RSF1: variants seen among roughly 807,000 people sequenced by gnomAD.
RSF1 encodes the protein remodeling and spacing factor 1, also known as HBV pX-associated protein 8.
RSF1 carries 13 observed loss-of-function variants against 145.2 expected under a neutral mutation model. That is an observed-to-expected ratio of 0.09 (90% confidence interval 0.06 to 0.14). RSF1 has a LOEUF of 0.14. RSF1 is among the 10% of genes least tolerant of loss of function. The probability of loss-of-function intolerance (pLI) is 1.00; values close to 1 mark genes in which losing one functional copy is unlikely to be tolerated. For missense variants in RSF1, 1,517 were observed against 1,718.2 expected, an observed-to-expected ratio of 0.88 and a Z score of 2.07; for synonymous variants, 577 against 592.6, an observed-to-expected ratio of 0.97 and a Z score of 0.38.
chr11:77,861,465 G>C, the RSF1 span, among the ~76,000 whole-genome samples: 14 of 152,264 alleles, frequency 9.2e-5, no homozygotes, highest in South Asian at 2.7e-3. Context: ...GCCCTCAATG[G>C]TCAAGTATAC....
At chr11:77,833,097 A>G in the RSF1 span, among the ~76,000 whole-genome samples, 12 of 147,368 alleles carry the variant, frequency 8.1e-5, no homozygotes, top group East Asian at 4.0e-4. Context: ...TGCAACCTCA[A>G]TCTCCGAGGT....
rs575908054 is a variant in RSF1 at position 77,662,302 on chromosome 11, A to C, written c.*4615T>G. ...AATTTTCCAAAGTGGTATAAATATG[A>C]AAGGAAAAAAAAAATTGTGCTCAGG... On this transcript the variant is annotated 3_prime_UTR_variant, in exon 16 of 16. Transcript: ENST00000308488. 19 of 151,982 alleles carry C rather than the reference A, an allele frequency of 1.3e-4. No individual in the cohort carries two copies. The highest frequency in any genetic ancestry group is 1.2e-3 in the Admixed American group (19 of 15,258). The allele number at this position is 151,982 out of a possible 1,614,324, so 9.4% of individuals were successfully genotyped here.
At chr11:77,761,893 C>T (rs1020776612) in intron 2 of RSF1, among the ~76,000 whole-genome samples, 6 of 144,654 alleles carry the variant, frequency 4.1e-5, no homozygotes, top group South Asian at 2.2e-4. Flanking sequence ...TGCAGTGGCA[C>T]GATCTTGGCT....
intron 4 of RSF1, among the ~76,000 whole-genome samples, chr11:77,726,305 A>C (rs1292808788): frequency 2.6e-5 from 4 of 152,152 alleles, no homozygotes; most frequent in Non-Finnish European, 5.9e-5. Flanking sequence ...CTAACCTATA[A>C]ATTCTACTTA....
rs541225959 is a variant in RSF1 at position 77,667,031 on chromosome 11, T to A, written c.4212A>T (p.Leu1404=). The A allele has an allele frequency of 9.3e-6, 15 of 1,613,756 alleles. No individual in the cohort carries two copies. Among genetic ancestry groups the A allele is most frequent in the East Asian group, 6.7e-5 (3 of 44,858 alleles). Residue 1404 remains leucine (L), a synonymous_variant, in exon 16 of 16, where the codon CTA becomes CTT. Coordinates refer to ENST00000308488, the MANE Select transcript of RSF1 (RefSeq NM_016578.4). Reference sequence around the variant, plus strand: ...GCCCACCACTTGTCCCATTGGAGGCTAGGCTTGCACTGGCTGTGCTGTTGT... The same window carrying A: ...GCCCACCACTTGTCCCATTGGAGGCAAGGCTTGCACTGGCTGTGCTGTTGT... ...PKDNSTASAS[L]ASNGTSGGQE...
At chr11:77,692,064 T>C (rs569796313) in intron 8 of RSF1, among the ~76,000 whole-genome samples, 1 of 152,166 alleles carries the variant, frequency 6.6e-6, no homozygotes, top group East Asian at 1.9e-4. Flanking sequence ...CTAATTTTTG[T>C]ACTTTTAGTA....
At chr11:77,866,477 C>T in the RSF1 span, 2 of 152,182 alleles carry the variant, frequency 1.3e-5, no homozygotes, top group Admixed American at 1.3e-4. Context: ...TCCACAGGCC[C>T]TTGCAGAGTT....
chr11:77,692,055 T>G (rs1368045946), intron 8 of RSF1, among the ~76,000 whole-genome samples: 1 of 151,676 alleles, frequency 6.6e-6, no homozygotes, highest in African/African-American at 2.4e-5. Context: ...CATGCCTGTC[T>G]AATTTTTGTA....
At chr11:77,865,740 C>T in the RSF1 span, among the ~76,000 whole-genome samples, 54 of 152,298 alleles carry the variant, frequency 3.5e-4, no homozygotes, top group Non-Finnish European at 7.3e-4. Context: ...AATAAAGAAG[C>T]ACATATAATA....
At chr11:77,861,481 G>A in the RSF1 span, among the ~76,000 whole-genome samples, 1 of 152,166 alleles carries the variant, frequency 6.6e-6, no homozygotes, top group Non-Finnish European at 1.5e-5. Flanking sequence ...TATACCCGGG[G>A]CTCTGTGAGG....
chr11:77,758,999 T>C (rs1468424292), intron 2 of RSF1, among the ~76,000 whole-genome samples: 3 of 152,238 alleles, frequency 2.0e-5, no homozygotes, highest in Non-Finnish European at 2.9e-5. Flanking sequence ...GTCTTCTGGT[T>C]TTCTATCTAA....
intron 1 of RSF1, among the ~76,000 whole-genome samples, chr11:77,782,102 G>T (rs1590883996): frequency 6.6e-6 from 1 of 152,178 alleles, no homozygotes. Flanking sequence ...TATGTTTGAA[G>T]TGAATTTCTA....
In RSF1 at chr11:77,666,370, G is replaced by T. The variant is rs1959363113; in HGVS notation, c.*547C>A. On this transcript the variant is annotated 3_prime_UTR_variant, in exon 16 of 16. Transcript: ENST00000308488. The stretch of plus-strand genomic sequence containing the variant: ...TAGTAAACAAGTTCATTTCACAAAG[G>T]CTGTTACTAAATGACTTATGTATGA... 6.6e-6 allele frequency: 1 copy of T among 152,360 alleles called. No homozygotes were observed. Among genetic ancestry groups the T allele is most frequent in the African/African-American group, 2.4e-5 (1 of 41,364 alleles). 9.4% of individuals were successfully genotyped at this position (152,360 alleles called of 1,614,324 possible).
intron 1 of RSF1, among the ~76,000 whole-genome samples, chr11:77,766,969 T>C (rs1948232892): frequency 6.6e-6 from 1 of 152,112 alleles, no homozygotes; most frequent in African/African-American, 2.4e-5. Context: ...CTGAGAAATG[T>C]TTAGGAGACA....
At chr11:77,678,658 G>C (rs542088374) in intron 11 of RSF1, among the ~76,000 whole-genome samples, 1 of 152,270 alleles carries the variant, frequency 6.6e-6, no homozygotes, top group African/African-American at 2.4e-5. Context: ...TCATGTATAA[G>C]ATTAGTGCCC....
intron 5 of RSF1, among the ~76,000 whole-genome samples, chr11:77,714,087 TC>T (rs1756656003): frequency 6.6e-6 from 1 of 152,224 alleles, no homozygotes; most frequent in African/African-American, 2.4e-5. Flanking sequence ...CTTTATGAGA[TC>T]ACCTAACTCT....
chr11:77,829,951 G>A, the RSF1 span: 1 of 152,138 alleles, frequency 6.6e-6, no homozygotes, highest in Non-Finnish European at 1.5e-5. Context: ...GGGAAACATA[G>A]TGAGACCCCA....
intron 1 of RSF1, among the ~76,000 whole-genome samples, chr11:77,803,566 G>A (rs1948647553): frequency 6.6e-6 from 1 of 151,640 alleles, no homozygotes; most frequent in Non-Finnish European, 1.5e-5. Context: ...ATCACTTGAG[G>A]TCAGGAGTTC....
intron 1 of RSF1, among the ~76,000 whole-genome samples, chr11:77,818,704 G>A (rs1202500641): frequency 6.6e-6 from 1 of 152,198 alleles, no homozygotes; most frequent in Non-Finnish European, 1.5e-5. Flanking sequence ...GCTTGAACCT[G>A]GGAGGCGGAG....
Sources: allele counts gnomAD v4.1 joint callset (sites outside exome capture counted in the v4.1 genomes callset), GRCh38; gene constraint gnomAD v4.1.1; transcripts MANE v1.5; gene names NCBI Gene and HGNC (gene_info 2026-07-23, HGNC 2026-07-21).